Variants in GSDMC observed in about 807,000 individuals in gnomAD.
GSDMC encodes the protein gasdermin C, also known as gasdermin-C.
In GSDMC, 59 loss-of-function variants were observed where a neutral mutation model predicts 58.0. The observed-to-expected ratio is 1.02, with a 90% confidence interval of 0.82 to 1.26. The LOEUF (loss-of-function observed/expected upper bound fraction) is 1.26, where lower values mean the gene tolerates loss of function less well. Ranked by LOEUF, GSDMC falls within the 50% of genes most tolerant of loss-of-function variation. The pLI, the probability that GSDMC is intolerant of heterozygous loss-of-function variation, is 0.00. For synonymous variants in GSDMC, 241 were observed against 220.2 expected (o/e 1.09, Z -0.83); for missense variants, 659 against 598.5 (o/e 1.10, Z -1.06).
downstream of GSDMC, among the ~76,000 whole-genome samples, chr8:129,743,975 C>A (rs2032914782): frequency 6.6e-6 from 1 of 152,010 alleles, no homozygotes; most frequent in South Asian, 2.1e-4. Flanking sequence ...ATTTTGAAGC[C>A]TTATGCTATA....
the GSDMC span, among the ~76,000 whole-genome samples, chr8:129,719,154 C>T: frequency 6.6e-6 from 1 of 152,018 alleles, no homozygotes; most frequent in South Asian, 2.1e-4. Flanking sequence ...GCATGTTCTG[C>T]ACATGTATCC....
intron 5 of GSDMC, among the ~76,000 whole-genome samples, chr8:129,761,147 C>T (rs375713720): frequency 3.9e-5 from 6 of 152,148 alleles, no homozygotes; most frequent in African/African-American, 4.8e-5. Flanking sequence ...CTATGTCAGA[C>T]GCCTCACTGT....
At chr8:129,718,830 C>T in the GSDMC span, among the ~76,000 whole-genome samples, 1 of 152,190 alleles carries the variant, frequency 6.6e-6, no homozygotes, top group East Asian at 1.9e-4. Context: ...GGCACTTATA[C>T]ACCATGGAAA....
chr8:129,723,127 C>T, the GSDMC span: 1 of 152,362 alleles, frequency 6.6e-6, no homozygotes, highest in East Asian at 1.9e-4. Context: ...CGTGCATGCA[C>T]ATCCTTCCTC....
At chr8:129,729,631 G>C in the GSDMC span, among the ~76,000 whole-genome samples, 3 of 152,176 alleles carry the variant, frequency 2.0e-5, no homozygotes, top group Non-Finnish European at 4.4e-5. Flanking sequence ...CCCTACAAAG[G>C]ACATGAACTC....
intron 6 of GSDMC, among the ~76,000 whole-genome samples, chr8:129,755,686 A>C (rs982837254): frequency 1.3e-5 from 2 of 152,164 alleles, no homozygotes; most frequent in African/African-American, 2.4e-5. Flanking sequence ...AGACATAAAG[A>C]CAAACAACAA....
At chr8:129,780,298 G>A (rs2034367584) in intron 1 of GSDMC, among the ~76,000 whole-genome samples, 2 of 152,058 alleles carry the variant, frequency 1.3e-5, no homozygotes, top group Non-Finnish European at 2.9e-5. Flanking sequence ...GAAGATAATA[G>A]AACACCCAGC....
intron 3 of GSDMC, 33 bp from the exon 4 acceptor site, chr8:129,765,826 A>G: frequency 6.3e-7 from 1 of 1,588,804 alleles, no homozygotes; most frequent in Non-Finnish European, 8.6e-7. Context: ...CAAGAGTCAG[A>G]GTGGGAAAGT....
rs376917580 is a variant in GSDMC at position 129,750,393 on chromosome 8, A to G, written c.1083+38T>C. On this transcript the variant is annotated intron_variant, in intron 11 of 13. Transcript: ENST00000276708. ...ATATCTCCTAACCAATCCCATTTAC[A>G]GCTTTTACCAGACCTATGCAACTGT... 29 of 1,590,188 alleles carry G rather than the reference A, an allele frequency of 1.8e-5. 1 individual carries two copies. The highest frequency in any genetic ancestry group is 3.4e-4 in the Middle Eastern group (2 of 5,890).
At chr8:129,721,229 T>C in the GSDMC span, among the ~76,000 whole-genome samples, 11 of 152,204 alleles carry the variant, frequency 7.2e-5, no homozygotes, top group Non-Finnish European at 1.3e-4. Context: ...CTCTCTGCAT[T>C]GACTCAGTCC....
In GSDMC at chr8:129,749,499, G is replaced by A; in HGVS notation, c.1240C>T (p.Leu414=). The A allele has an allele frequency of 6.2e-7, 1 of 1,613,772 alleles. No homozygotes were observed. Among genetic ancestry groups the A allele is most frequent in the Non-Finnish European group, 8.5e-7 (1 of 1,179,716 alleles). The change falls in exon 13 of 14, where the codon CTG becomes TTG. Residue 414 remains leucine, a synonymous_variant. Coordinates refer to ENST00000276708, the MANE Select transcript of GSDMC (RefSeq NM_031415.3). ...ATCCTCTTCTCCATGGAACAGGCCA[G>A]CAAATCGTGTTGGAAGTCACTCAGC... ...MVLSDFQHDL[L]ACSMEKRILL... is the part of the protein sequence containing the mutation.
At chr8:129,740,091 G>A in the GSDMC span, among the ~76,000 whole-genome samples, 1,326 of 152,074 alleles carry the variant, frequency 8.7e-3, 12 homozygotes, top group Non-Finnish European at 0.012. Flanking sequence ...ATAGAAAAAA[G>A]CTTATAGAAT....
the GSDMC span, among the ~76,000 whole-genome samples, chr8:129,723,662 C>G: frequency 1.3e-5 from 2 of 152,156 alleles, no homozygotes; most frequent in African/African-American, 4.8e-5. Flanking sequence ...GAGCAAAGCC[C>G]TGGTTCCTAG....
downstream of GSDMC, among the ~76,000 whole-genome samples, chr8:129,744,120 G>A (rs1461416469): frequency 6.6e-6 from 1 of 151,934 alleles, no homozygotes; most frequent in Non-Finnish European, 1.5e-5. Context: ...TCTCTGTGTT[G>A]TTAACTCAGA....
chr8:129,778,830 C>T (rs746137275), intron 1 of GSDMC, among the ~76,000 whole-genome samples: 1 of 149,106 alleles, frequency 6.7e-6, no homozygotes, highest in Non-Finnish European at 1.5e-5. Flanking sequence ...AGAAGACATA[C>T]ATGTGGCCAA....
intron 6 of GSDMC, among the ~76,000 whole-genome samples, chr8:129,756,189 A>G (rs1047028091): frequency 1.3e-5 from 2 of 152,018 alleles, no homozygotes; most frequent in Admixed American, 6.6e-5. Context: ...GAAACCAAAA[A>G]AAAAAGCAGA....
rs969074574 is a variant in GSDMC at position 129,759,348 on chromosome 8, C to T, written c.721+1197G>A. On this transcript the variant is annotated intron_variant, in intron 6 of 13. Transcript: ENST00000276708. ...ACTCCACAAGCACTGGCAACTAAAG[C>T]AAAAATAGACAAATGGGATCGCATC... 3.3e-5 allele frequency among the ~76,000 whole-genome samples: 5 copies of T among 152,042 alleles called. 1 individual carries two copies. Among genetic ancestry groups the T allele is most frequent in the Admixed American group, 3.3e-4 (5 of 15,260 alleles).
At chr8:129,705,494 A>C in the GSDMC span, 1 of 152,740 alleles carries the variant, frequency 6.5e-6, no homozygotes, top group African/African-American at 2.4e-5. Flanking sequence ...GGGAGGCCTC[A>C]GGAAACTTAC....
chr8:129,719,555 T>C, the GSDMC span, among the ~76,000 whole-genome samples: 3 of 152,194 alleles, frequency 2.0e-5, no homozygotes, highest in African/African-American at 7.2e-5. Context: ...TCCACCACTC[T>C]ATATAAGCAT....
Sources: allele counts gnomAD v4.1 joint callset (sites outside exome capture counted in the v4.1 genomes callset), GRCh38; gene constraint gnomAD v4.1.1; transcripts MANE v1.5; gene names NCBI Gene and HGNC (gene_info 2026-07-23, HGNC 2026-07-21).